Variants in IQGAP2 observed in about 807,000 individuals in gnomAD.
IQGAP2 encodes the protein IQ motif containing GTPase activating protein 2, also known as ras GTPase-activating-like protein IQGAP2.
IQGAP2 carries 173 observed loss-of-function variants against 201.3 expected under a neutral mutation model. That is an observed-to-expected ratio of 0.86 (90% CI 0.76 to 0.98). IQGAP2 has a LOEUF of 0.98. Ranked by LOEUF, IQGAP2 falls within the 50% of genes least tolerant of loss-of-function variation. The probability of loss-of-function intolerance (pLI) is 0.00; values close to 1 mark genes in which losing one functional copy is unlikely to be tolerated. For synonymous variants in IQGAP2, 675 were observed against 673.9 expected (o/e 1.00, Z -0.03); for missense variants, 1,687 against 1,864.8 (o/e 0.90, Z 1.76).
intron 1 of IQGAP2, among the ~76,000 whole-genome samples, chr5:76,409,496 C>T (rs985370157): frequency 1.3e-5 from 2 of 152,104 alleles, no homozygotes; most frequent in Admixed American, 6.6e-5. Flanking sequence ...ATCTGCCTTC[C>T]TCAGCCTCCC....
intron 35 of IQGAP2, among the ~76,000 whole-genome samples, chr5:76,706,783 C>T (rs1479400838): frequency 6.6e-6 from 1 of 152,154 alleles, no homozygotes; most frequent in East Asian, 1.9e-4. Context: ...TTATCAATTC[C>T]AAAAAGCTAT....
intron 10 of IQGAP2, 125 bp downstream of exon 10, chr5:76,597,727 C>A (rs1174275057): frequency 2.2e-6 from 2 of 893,258 alleles, no homozygotes; most frequent in Admixed American, 2.6e-5. Flanking sequence ...CCTGGTCTCA[C>A]TGGCCCACCT....
chr5:76,542,131 G>T (rs1742817093), intron 2 of IQGAP2, among the ~76,000 whole-genome samples: 1 of 150,716 alleles, frequency 6.6e-6, no homozygotes, highest in Admixed American at 6.7e-5. Context: ...CTATGGGCAT[G>T]CAACACCATG....
intron 28 of IQGAP2, among the ~76,000 whole-genome samples, chr5:76,678,724 C>G (rs1424758391): frequency 6.6e-6 from 1 of 152,212 alleles, no homozygotes; most frequent in Non-Finnish European, 1.5e-5. Context: ...GAAAGCATAA[C>G]AAATACACAT....
intron 23 of IQGAP2, among the ~76,000 whole-genome samples, chr5:76,670,885 C>T (rs923835543): frequency 1.3e-5 from 2 of 152,252 alleles, no homozygotes; most frequent in African/African-American, 4.8e-5. Flanking sequence ...AGTCCTGGTC[C>T]ATTTTCAGCT....
chr5:76,704,562 A>T (rs142576553), intron 35 of IQGAP2, among the ~76,000 whole-genome samples: 2 of 152,336 alleles, frequency 1.3e-5, no homozygotes, highest in African/African-American at 2.4e-5. Flanking sequence ...TGGGTTTTTT[A>T]AATCAGTAGT....
chr5:76,578,953 CTT>C (rs1379202995), intron 5 of IQGAP2, among the ~76,000 whole-genome samples: 4 of 151,892 alleles, frequency 2.6e-5, no homozygotes, highest in African/African-American at 9.7e-5. Context: ...GGTAAGAACA[CTT>C]TTTTGACATG....
chr5:76,707,493 A>AGAAT lies in IQGAP2; in HGVS notation c.*183_*186dup. ...CTTTTTGCTAATTTGATACTATAAT[A>AGAAT]GAATGAGACATAAAATGAATTAATG... On this transcript the variant is annotated 3_prime_UTR_variant, in exon 36 of 36. Coordinates refer to ENST00000274364, the MANE Select transcript of IQGAP2 (RefSeq NM_006633.5). 1 of 576,514 alleles carries AGAAT rather than the reference A, an allele frequency of 1.7e-6. No individual in the cohort carries two copies. Among genetic ancestry groups the AGAAT allele is most frequent in the Non-Finnish European group, 3.1e-6 (1 of 326,924 alleles). The allele number at this position is 576,514 out of a possible 1,614,324, so 35.7% of individuals were successfully genotyped here.
chr5:76,497,634 C>T (rs1757063556), intron 2 of IQGAP2, among the ~76,000 whole-genome samples: 1 of 152,186 alleles, frequency 6.6e-6, no homozygotes, highest in Non-Finnish European at 1.5e-5. Context: ...GGCTCCCCCT[C>T]CTTACACTAG....
chr5:76,641,161 T>C, intron 17 of IQGAP2, 58 bp downstream of exon 17: 5 of 1,330,316 alleles, frequency 3.8e-6, no homozygotes, highest in Non-Finnish European at 5.2e-6. Flanking sequence ...GAAAATGTTT[T>C]ATTTGATAAT....
At chr5:76,706,980 T>A (rs563989630) in intron 35 of IQGAP2, among the ~76,000 whole-genome samples, 3 of 152,230 alleles carry the variant, frequency 2.0e-5, no homozygotes, top group Admixed American at 6.5e-5. Flanking sequence ...ATCTATGGCC[T>A]GGTGCCATGG....
At position 76,457,790 on chromosome 5, in the gene IQGAP2, T is replaced by G. The variant is rs139463724; in HGVS notation, c.47-3780T>G. 4.7e-4 allele frequency among the ~76,000 whole-genome samples: 72 copies of G among 152,350 alleles called. 1 individual carries two copies. The highest frequency in any genetic ancestry group is 1.3e-3 in the African/African-American group (52 of 41,576). On this transcript the variant is annotated intron_variant, in intron 1 of 35. Coordinates refer to ENST00000274364, the MANE Select transcript of IQGAP2 (RefSeq NM_006633.5). ...TCAAAATACTCTCTAACAACTTGCT[T>G]TCATTCTGCTCCTTGAATCTGTGAA...
chr5:76,426,909 T>TGTGTGTGA (rs1267735363), intron 1 of IQGAP2, among the ~76,000 whole-genome samples: 2 of 150,602 alleles, frequency 1.3e-5, no homozygotes, highest in Non-Finnish European at 3.0e-5. Flanking sequence ...ATGGAGGGTG[T>TGTGTGTGA]GTGTGTGTGT....
In IQGAP2 at chr5:76,609,019, G is replaced by A. The variant is rs1289810672; in HGVS notation, c.1358-2001G>A. The A allele has an allele frequency of 3.0e-6, 4 of 1,348,858 alleles. No individual in the cohort carries two copies. The African/African-American group carries it at 5.8e-5, about 20-fold the overall frequency. 83.6% of individuals were successfully genotyped at this position (1,348,858 alleles called of 1,614,324 possible). A position where few individuals can be genotyped will look rare whatever the true frequency, so the allele number is the denominator to read the frequency against. ...AGGATTTCCCTTTTATTTATAAACA[G>A]AGGAAGTGATGCATATGTTCCCAGA... is the stretch of plus-strand genomic sequence containing the variant. On this transcript the variant is annotated intron_variant, in intron 12 of 35. Transcript: ENST00000274364.
At chr5:76,505,117 T>C (rs957129640) in intron 2 of IQGAP2, among the ~76,000 whole-genome samples, 4 of 152,222 alleles carry the variant, frequency 2.6e-5, no homozygotes, top group African/African-American at 9.6e-5. Flanking sequence ...GCACCCTCAC[T>C]AGAGTCTTAA....
intron 2 of IQGAP2, among the ~76,000 whole-genome samples, chr5:76,505,527 A>G (rs1757564385): frequency 1.3e-5 from 2 of 152,162 alleles, no homozygotes; most frequent in South Asian, 4.1e-4. Flanking sequence ...CTTGCATTTT[A>G]CCGATGCTAA....
At position 76,595,487 on chromosome 5, in the gene IQGAP2, C is replaced by T. The variant is rs182707185; in HGVS notation, c.908-1952C>T. 1.7e-3 allele frequency among the ~76,000 whole-genome samples: 261 copies of T among 151,914 alleles called. 1 individual carries two copies. Among genetic ancestry groups the T allele is most frequent in the Non-Finnish European group, 2.2e-3 (150 of 67,966 alleles). ...TTAATAGTGTTTTTCAGGCTAGGTG[C>T]AGTGACTCATGCCTGTAATCTAGCA... On this transcript the variant is annotated intron_variant, in intron 9 of 35. Transcript: ENST00000274364.
chr5:76,453,125 A>C (rs1753871225), intron 1 of IQGAP2, among the ~76,000 whole-genome samples: 1 of 152,120 alleles, frequency 6.6e-6, no homozygotes, highest in African/African-American at 2.4e-5. Context: ...CATGTTGGTC[A>C]GGCTGGTCTT....
chr5:76,512,760 A>G (rs956979613), intron 2 of IQGAP2, among the ~76,000 whole-genome samples: 3 of 152,256 alleles, frequency 2.0e-5, no homozygotes, highest in African/African-American at 7.2e-5. Context: ...GAGTTTTTAG[A>G]AATGTTACTT....
Sources: allele counts gnomAD v4.1 joint callset (sites outside exome capture counted in the v4.1 genomes callset), GRCh38; gene constraint gnomAD v4.1.1; transcripts MANE v1.5; gene names NCBI Gene and HGNC (gene_info 2026-07-23, HGNC 2026-07-21).